Variants in ZXDC observed in about 807,000 individuals in gnomAD.
ZXDC encodes the protein zinc finger protein ZXDC.
A neutral mutation model predicts 63.6 loss-of-function variants in ZXDC; 58 were observed. That is an observed-to-expected ratio of 0.91 (90% CI 0.74 to 1.13). ZXDC has a LOEUF of 1.13. Ranked by LOEUF, ZXDC falls within the 50% of genes most tolerant of loss-of-function variation. The pLI is 0.00. For missense variants in ZXDC, 1,133 were observed against 1,148.9 expected (o/e 0.99, Z 0.20); for synonymous variants, 561 against 496.1 (o/e 1.13, Z -1.74).
intron 7 of ZXDC, chr3:126,454,202 T>C: frequency 2.0e-6 from 2 of 983,056 alleles, no homozygotes; most frequent in Non-Finnish European, 2.4e-6. Context: ...ATATCTTTCA[T>C]ATGCTTATTT....
Position 126,475,219 on chromosome 3 carries a change from C to G in ZXDC, c.647G>C (p.Gly216Ala). The G allele has an allele frequency of 6.4e-7, 1 of 1,573,678 alleles. No individual in the cohort carries two copies. The highest frequency in any genetic ancestry group is 1.2e-5 in the South Asian group (1 of 86,190). The change falls in exon 1 of 10, where the codon GGT becomes GCT. Residue 216 changes from glycine (G) to alanine (A), a missense_variant. Physicochemically the swap from Gly to Ala is moderately conservative, Grantham distance 60 (BLOSUM62 0). Coordinates refer to ENST00000389709, the MANE Select transcript of ZXDC (RefSeq NM_025112.5). ...CTTGTAGGACGTTGTGAAGGCCCAA[C>G]CACAGCCCTCCAGTGGGCACTTGAA... The part of the protein sequence containing the change: ...RPFKCPLEGC[G>A]WAFTTSYKLK...
rs756609793 is a variant in ZXDC at position 126,441,793 on chromosome 3, G to A, written c.2366C>T (p.Ala789Val). The A allele has an allele frequency of 3.7e-5, 60 of 1,609,842 alleles. No individual in the cohort carries two copies. The highest frequency in any genetic ancestry group is 6.6e-5 in the South Asian group (6 of 90,576). The stretch of plus-strand genomic sequence containing the variant: ...CACCAGCTGGACCTGGACGCCCTGC[G>A]CCCCGCACTGCACCCCAGCTGCTGG... ...PAPAAGVQCG[A>V]QGVQVQLVQD... is the part of the protein sequence containing the mutation. The change falls in exon 8 of 10, where the codon GCG becomes GTG. Residue 789 changes from alanine to valine, a missense_variant. Coordinates refer to ENST00000389709, the MANE Select transcript of ZXDC (RefSeq NM_025112.5).
rs757536409 is a variant in ZXDC, at chr3:126,470,989, G to A, written c.1176C>T (p.Val392=). The part of the protein sequence containing the change: ...HDDDRRFTCP[V]EGCGKSFTRA... ...TGGTGAATGATTTCCCACAGCCCTC[G>A]ACAGGGCAGGTAAACCTCCGGTCAT... The change falls in exon 4 of 10, where the codon GTC becomes GTT. Residue 392 remains valine, a synonymous_variant. Coordinates refer to ENST00000389709, the MANE Select transcript of ZXDC (RefSeq NM_025112.5). 9.3e-6 allele frequency: 15 copies of A among 1,614,040 alleles called. No individual in the cohort carries two copies. The highest frequency in any genetic ancestry group is 5.0e-5 in the Admixed American group (3 of 60,004).
At chr3:126,439,063 C>CG (rs756113868) in intron 9 of ZXDC, among the ~76,000 whole-genome samples, 3 of 152,174 alleles carry the variant, frequency 2.0e-5, no homozygotes, top group Non-Finnish European at 4.4e-5. Context: ...CCTGGGTGCC[C>CG]GGCCCTCTGC....
chr3:126,438,536 G>A, intron 9 of ZXDC, 75 bp from the exon 10 acceptor site: 5 of 1,391,274 alleles, frequency 3.6e-6, no homozygotes, highest in Non-Finnish European at 5.0e-6. Context: ...CACACAGCAG[G>A]ACACTGACCA....
chr3:126,456,841 T>C (rs1934324689), intron 7 of ZXDC, among the ~76,000 whole-genome samples: 1 of 152,186 alleles, frequency 6.6e-6, no homozygotes, highest in African/African-American at 2.4e-5. Flanking sequence ...AACAAGAAGT[T>C]GATGGTGAAG....
chr3:126,453,322 C>A, intron 7 of ZXDC: 1 of 985,326 alleles, frequency 1.0e-6, no homozygotes, highest in Non-Finnish European at 1.2e-6. Flanking sequence ...GGCCTAGGGG[C>A]CATATCCCCT....
intron 7 of ZXDC, among the ~76,000 whole-genome samples, chr3:126,445,762 G>A (rs1162693123): frequency 6.6e-6 from 1 of 152,140 alleles, no homozygotes; most frequent in Non-Finnish European, 1.5e-5. Flanking sequence ...CAGGGGAGGA[G>A]GGGCCAAGCC....
At chr3:126,447,288 C>T (rs1412524642) in intron 7 of ZXDC, among the ~76,000 whole-genome samples, 2 of 152,238 alleles carry the variant, frequency 1.3e-5, no homozygotes, top group African/African-American at 4.8e-5. Context: ...ATTCAGAGCA[C>T]ACTTGTCATG....
chr3:126,457,755 C>A, intron 7 of ZXDC: 1 of 706,130 alleles, frequency 1.4e-6, no homozygotes, highest in Non-Finnish European at 1.7e-6. Context: ...TTAGAGTAAC[C>A]CCTAAGAAAT....
intron 7 of ZXDC, among the ~76,000 whole-genome samples, chr3:126,448,994 C>T (rs1001862016): frequency 2.0e-5 from 3 of 152,184 alleles, no homozygotes; most frequent in Non-Finnish European, 4.4e-5. Context: ...GCAGGCAGGG[C>T]AGGTCCACAG....
rs115476441 is a variant in ZXDC, at chr3:126,446,639, G to T, written c.2213-4693C>A. On this transcript the variant is annotated intron_variant, in intron 7 of 9. Coordinates refer to ENST00000389709, the MANE Select transcript of ZXDC (RefSeq NM_025112.5). ...ATCCTCACTTGAACAGGAGGTAAGT[G>T]ACTATTTTCCCAATTCTCCCAAGGG... is the stretch of plus-strand genomic sequence containing the variant. Among the ~76,000 whole-genome samples, 957 of 152,276 alleles carry T rather than the reference G, an allele frequency of 6.3e-3. 10 individuals carry two copies. The highest frequency in any genetic ancestry group is 0.022 in the African/African-American group (911 of 41,536).
At chr3:126,461,072 A>T in intron 6 of ZXDC, 1 of 985,614 alleles carries the variant, frequency 1.0e-6, no homozygotes, top group Non-Finnish European at 1.2e-6. Flanking sequence ...TAAGGCTCAT[A>T]AACCCCACCC....
intron 4 of ZXDC, 129 bp downstream of exon 4, chr3:126,470,766 A>G (rs766961583): frequency 8.4e-5 from 112 of 1,337,154 alleles, no homozygotes; most frequent in Non-Finnish European, 1.1e-4. Context: ...GTAAGTAAAC[A>G]TAATGCTGCA....
intron 6 of ZXDC, chr3:126,461,248 T>A (rs1322958100): frequency 8.5e-7 from 1 of 1,178,910 alleles, no homozygotes; most frequent in African/African-American, 1.6e-5. Flanking sequence ...ACCCCCAATC[T>A]TCAAGGAAAG....
rs757536409 is a variant in ZXDC at position 126,470,989 on chromosome 3, G to C, written c.1176C>G (p.Val392=). The change falls in exon 4 of 10, where the codon GTC becomes GTG. Residue 392 remains valine (V), a synonymous_variant. Transcript: ENST00000389709. The part of the protein sequence containing the change: ...HDDDRRFTCP[V]EGCGKSFTRA... Reference sequence around the variant, plus strand: ...TGGTGAATGATTTCCCACAGCCCTCGACAGGGCAGGTAAACCTCCGGTCAT... The same window carrying C: ...TGGTGAATGATTTCCCACAGCCCTCCACAGGGCAGGTAAACCTCCGGTCAT... 1.9e-6 allele frequency: 3 copies of C among 1,614,040 alleles called. No homozygotes were observed. The highest frequency in any genetic ancestry group is 1.1e-5 in the South Asian group (1 of 91,084).
intron 7 of ZXDC, chr3:126,452,680 C>G: frequency 1.8e-6 from 1 of 551,986 alleles, no homozygotes; most frequent in South Asian, 7.9e-5. Context: ...TTGCCAGATC[C>G]TAAGTGTGTT....
chr3:126,440,630 C>A, intron 8 of ZXDC: 1 of 986,532 alleles, frequency 1.0e-6, no homozygotes, highest in East Asian at 1.1e-4. Context: ...ATGGTCCTCC[C>A]CCTCCCCCTG....
chr3:126,474,928 G>A (rs1360373222), intron 1 of ZXDC, 31 bp downstream of exon 1: 2 of 1,533,946 alleles, frequency 1.3e-6, no homozygotes, highest in Non-Finnish European at 1.8e-6. Flanking sequence ...GCAACACCGC[G>A]CAGCCCGCCC....
Sources: allele counts gnomAD v4.1 joint callset (sites outside exome capture counted in the v4.1 genomes callset), GRCh38; gene constraint gnomAD v4.1.1; transcripts MANE v1.5; gene names NCBI Gene and HGNC (gene_info 2026-07-23, HGNC 2026-07-21).